The following STK35 variants were observed in gnomAD, a reference collection of about 807,000 sequenced individuals.
The protein encoded by STK35 is serine/threonine kinase 35.
A neutral mutation model predicts 37.3 loss-of-function variants in STK35; 17 were observed. The observed-to-expected ratio is 0.46, with a 90% CI of 0.31 to 0.68. STK35 has a LOEUF of 0.68. Among genes scored for constraint, STK35 ranks in the 30% least tolerant of loss-of-function variants. The probability of loss-of-function intolerance (pLI) is 0.05; values close to 1 mark genes in which losing one functional copy is unlikely to be tolerated. For synonymous variants in STK35, 385 were observed against 319.1 expected, an observed-to-expected ratio of 1.21 and a Z score of -2.20; for missense variants, 595 against 746.7, an observed-to-expected ratio of 0.80 and a Z score of 2.37.
intron 3 of STK35, among the ~76,000 whole-genome samples, chr20:2,143,178 C>T (rs1243285259): frequency 6.6e-6 from 1 of 152,190 alleles, no homozygotes; most frequent in Non-Finnish European, 1.5e-5. Context: ...TCTTAACCCC[C>T]ACAGTGCACT....
At chr20:2,120,172 A>T (rs1450485716) in intron 3 of STK35, among the ~76,000 whole-genome samples, 2 of 152,236 alleles carry the variant, frequency 1.3e-5, no homozygotes, top group African/African-American at 4.8e-5. Flanking sequence ...GAAGGTTGTC[A>T]TTGGAAGAGG....
intron 3 of STK35, among the ~76,000 whole-genome samples, chr20:2,129,436 T>C (rs1407853164): frequency 3.9e-5 from 6 of 152,096 alleles, no homozygotes; most frequent in African/African-American, 1.4e-4. Flanking sequence ...ATGCCAGTTC[T>C]CGGGCACGCT....
At position 2,147,711 on chromosome 20, in the gene STK35, C is replaced by T. The variant is rs1468688805; in HGVS notation, c.*3965C>T. 2.6e-5 allele frequency: 4 copies of T among 152,258 alleles called. No homozygotes were observed. Among genetic ancestry groups the T allele is most frequent in the African/African-American group, 9.7e-5 (4 of 41,442 alleles). The allele number at this position is 152,258 out of a possible 1,614,324, so 9.4% of individuals were successfully genotyped here. A position where few individuals can be genotyped will look rare whatever the true frequency, so the allele number is the denominator to read the frequency against. The stretch of plus-strand genomic sequence containing the variant: ...TTACTCTAGGTTGGTCTCAGACTAT[C>T]CCTCCCCTTGGCTGGTTTTCCCTCC... On this transcript the variant is annotated 3_prime_UTR_variant, in exon 4 of 4. Coordinates refer to ENST00000381482, the MANE Select transcript of STK35 (RefSeq NM_080836.4).
intron 2 of STK35, among the ~76,000 whole-genome samples, chr20:2,103,934 C>T (rs999811268): frequency 3.3e-5 from 5 of 152,164 alleles, no homozygotes; most frequent in African/African-American, 1.2e-4. Context: ...AACTGACTGT[C>T]TTCTGGCTTG....
chr20:2,105,713 A>ATC (rs1985502338), intron 2 of STK35, among the ~76,000 whole-genome samples: 2 of 151,862 alleles, frequency 1.3e-5, no homozygotes, highest in South Asian at 2.1e-4. Flanking sequence ...TGCCTTATAT[A>ATC]AGTTCACACC....
intron 2 of STK35, among the ~76,000 whole-genome samples, chr20:2,110,034 T>C (rs528365019): frequency 2.6e-5 from 4 of 152,370 alleles, no homozygotes; most frequent in African/African-American, 9.6e-5. Flanking sequence ...GTGGTGTTGC[T>C]ATGGTACCCA....
At chr20:2,114,714 G>A (rs890700713) in intron 2 of STK35, among the ~76,000 whole-genome samples, 6 of 152,076 alleles carry the variant, frequency 3.9e-5, no homozygotes, top group African/African-American at 1.4e-4. Flanking sequence ...CTCATAACCT[G>A]GACTTAGATT....
At position 2,102,969 on chromosome 20, in the gene STK35, C is replaced by A; in HGVS notation, c.496C>A (p.Pro166Thr). The A allele has an allele frequency of 7.0e-7, 1 of 1,431,778 alleles. No individual in the cohort carries two copies. The highest frequency in any genetic ancestry group is 9.1e-7 in the Non-Finnish European group (1 of 1,098,984). The allele number at this position is 1,431,778 out of a possible 1,614,324, so 88.7% of individuals were successfully genotyped here. A position where few individuals can be genotyped will look rare whatever the true frequency, so the allele number is the denominator to read the frequency against. Residue 166 changes from proline to threonine, a missense_variant, in exon 2 of 4, where the codon CCG becomes ACG. Coordinates refer to ENST00000381482, the MANE Select transcript of STK35 (RefSeq NM_080836.4). ...GCGGGCGCCCAGCACGAAGCTGAGG[C>A]CGGCGGCGGCGGCCCGGGCCATGGA... ...VPRAPSTKLRPAAAARAMDPV... is the reference protein window; with the variant it reads ...VPRAPSTKLRTAAAARAMDPV...
intron 2 of STK35, among the ~76,000 whole-genome samples, chr20:2,108,479 C>T (rs1218627567): frequency 6.6e-6 from 1 of 152,136 alleles, no homozygotes; most frequent in Non-Finnish European, 1.5e-5. Flanking sequence ...CAGTGCACTC[C>T]AGCCTGGGCG....
At chr20:2,104,832 T>G (rs1000893011) in intron 2 of STK35, among the ~76,000 whole-genome samples, 2 of 151,992 alleles carry the variant, frequency 1.3e-5, no homozygotes, top group African/African-American at 4.8e-5. Flanking sequence ...AAGCCTACCC[T>G]CTCCCCAGGG....
intron 3 of STK35, among the ~76,000 whole-genome samples, chr20:2,136,361 C>G (rs773542487): frequency 1.3e-5 from 2 of 152,224 alleles, no homozygotes; most frequent in African/African-American, 2.4e-5. Flanking sequence ...TCTCACCCAG[C>G]TCTGAAGGTG....
intron 3 of STK35, among the ~76,000 whole-genome samples, chr20:2,131,396 T>C (rs1444229988): frequency 6.6e-6 from 1 of 152,228 alleles, no homozygotes; most frequent in Non-Finnish European, 1.5e-5. Flanking sequence ...GGAAGATCAC[T>C]TGAGCCCAGG....
At chr20:2,105,035 T>G (rs1453050304) in intron 2 of STK35, among the ~76,000 whole-genome samples, 1 of 151,882 alleles carries the variant, frequency 6.6e-6, no homozygotes. Context: ...CACAGGCTTA[T>G]AGTCCCAGCT....
intron 3 of STK35, among the ~76,000 whole-genome samples, chr20:2,138,911 C>T (rs533662520): frequency 1.3e-5 from 2 of 152,250 alleles, no homozygotes; most frequent in South Asian, 4.1e-4. Context: ...CCTATAATCC[C>T]AGCTGCTCAG....
intron 3 of STK35, among the ~76,000 whole-genome samples, chr20:2,138,461 G>T (rs1474606004): frequency 1.3e-5 from 2 of 152,206 alleles, no homozygotes; most frequent in South Asian, 4.1e-4. Flanking sequence ...AGAGGAAAGA[G>T]TTCCATGCCC....
intron 2 of STK35, among the ~76,000 whole-genome samples, chr20:2,106,326 C>G (rs528148124): frequency 9.2e-5 from 14 of 152,278 alleles, no homozygotes; most frequent in African/African-American, 3.4e-4. Flanking sequence ...TTGGCCCTGC[C>G]TCCTAAAACT....
chr20:2,104,326 A>G (rs1985472195), intron 2 of STK35, among the ~76,000 whole-genome samples: 1 of 152,196 alleles, frequency 6.6e-6, no homozygotes, highest in African/African-American at 2.4e-5. Flanking sequence ...TACTAATCCG[A>G]GTCCCAGCTG....
intron 2 of STK35, among the ~76,000 whole-genome samples, chr20:2,110,819 T>A (rs755949414): frequency 4.6e-5 from 7 of 152,236 alleles, no homozygotes; most frequent in Non-Finnish European, 8.8e-5. Context: ...CAGAGTCTGC[T>A]GTGGGAACTA....
In STK35 at chr20:2,102,797, TC is replaced by T. The variant is rs1568572133; in HGVS notation, c.327del (p.Arg110GlyfsTer55). On this transcript the variant is annotated frameshift_variant, in exon 2 of 4. Transcript: ENST00000381482. LOFTEE classifies it high-confidence loss of function. The stretch of plus-strand genomic sequence containing the variant: ...CAATCCAAGGTCCGGCTCCTCCGCG[TC>T]CCAGGGCCGGACGGAGGGATGAGGC... The part of the protein sequence containing the change: ...VTIQGPAPPR[P>X]RAGRRDEAGG... 1.3e-6 allele frequency: 2 copies of T among 1,497,536 alleles called. No individual in the cohort carries two copies. Among genetic ancestry groups the T allele is most frequent in the Admixed American group, 2.1e-5 (1 of 46,518 alleles). The allele number at this position is 1,497,536 out of a possible 1,614,324, so 92.8% of individuals were successfully genotyped here.
Sources: gnomAD v4.1 joint callset for allele counts (sites outside exome capture counted in the v4.1 genomes callset) on GRCh38, gnomAD v4.1.1 for gene constraint, MANE v1.5 for transcripts, NCBI Gene and HGNC (gene_info 2026-07-23, HGNC 2026-07-21) for gene names.